Variants in ZNF57 observed in about 807,000 individuals in gnomAD.
ZNF57 encodes the protein zinc finger protein 424.
Under a neutral mutation model 13.4 loss-of-function variants are expected in ZNF57, and 11 were observed. That is an observed-to-expected ratio of 0.82 (90% confidence interval 0.52 to 1.36). The LOEUF is 1.36. Among genes scored for constraint, ZNF57 ranks in the 40% most tolerant of loss-of-function variants. The pLI is 0.00. For missense variants in ZNF57, 696 were observed against 667.5 expected, an observed-to-expected ratio of 1.04 and a Z score of -0.47; for synonymous variants, 224 against 238.5, an observed-to-expected ratio of 0.94 and a Z score of 0.56.
At chr19:2,915,905 C>T (rs906806658) in intron 2 of ZNF57, among the ~76,000 whole-genome samples, 173 bp from the exon 3 acceptor site, 2 of 152,224 alleles carry the variant, frequency 1.3e-5, no homozygotes, top group Non-Finnish European at 1.5e-5. Context: ...TTTAGGATCA[C>T]AGAGTGGTTC....
chr19:2,902,176 G>C (rs2088036005), intron 1 of ZNF57, among the ~76,000 whole-genome samples: 1 of 145,482 alleles, frequency 6.9e-6, no homozygotes, highest in African/African-American at 2.5e-5. Context: ...AGCTTGGGGG[G>C]ATGGCAAGGG....
At chr19:2,909,194 T>C (rs1169309375) in intron 1 of ZNF57, among the ~76,000 whole-genome samples, 1 of 151,982 alleles carries the variant, frequency 6.6e-6, no homozygotes, top group Non-Finnish European at 1.5e-5. Flanking sequence ...TCAAATTTCT[T>C]CAGTATATAT....
chr19:2,911,312 C>A (rs944892487), intron 1 of ZNF57, among the ~76,000 whole-genome samples: 8 of 151,994 alleles, frequency 5.3e-5, no homozygotes, highest in Non-Finnish European at 1.2e-4. Flanking sequence ...GGGTGGATCA[C>A]CTGAGGTCAG....
chr19:2,917,921 A>C lies in ZNF57; in HGVS notation c.1300A>C (p.Thr434Pro). 6.2e-7 allele frequency: 1 copy of C among 1,613,922 alleles called. No individual in the cohort carries two copies. The highest frequency in any genetic ancestry group is 1.1e-5 in the South Asian group (1 of 91,064). ...TGGAAAAACCTTCACTTGGTCCTCA[A>C]CGTTTAGAGAACATGTGAGAATTCA... is the stretch of plus-strand genomic sequence containing the variant. ...QCGKTFTWSS[T>P]FREHVRIHTQ... is the part of the protein sequence containing the mutation. The change falls in exon 4 of 4, where the codon ACG (threonine) becomes CCG (proline). Residue 434 changes from threonine to proline, a missense_variant. Thr to Pro is a conservative substitution (Grantham distance 38). Coordinates refer to ENST00000306908, the MANE Select transcript of ZNF57 (RefSeq NM_173480.3).
intron 1 of ZNF57, among the ~76,000 whole-genome samples, chr19:2,905,938 G>A (rs899414811): frequency 3.3e-5 from 5 of 152,142 alleles, no homozygotes; most frequent in African/African-American, 7.2e-5. Flanking sequence ...ACCCCAGATC[G>A]GTCTGAGAGA....
intron 1 of ZNF57, among the ~76,000 whole-genome samples, chr19:2,901,907 A>G (rs2088033560): frequency 6.6e-6 from 1 of 152,044 alleles, no homozygotes; most frequent in Non-Finnish European, 1.5e-5. Context: ...TACATTCTCA[A>G]GGGCGGCGAC....
intron 1 of ZNF57, among the ~76,000 whole-genome samples, chr19:2,908,053 C>A (rs1415082379): frequency 6.6e-6 from 1 of 152,108 alleles, no homozygotes; most frequent in Non-Finnish European, 1.5e-5. Flanking sequence ...CCTTTACTAG[C>A]CTTAAGTACT....
chr19:2,901,168 C>T (rs1310032440), intron 1 of ZNF57, 120 bp downstream of exon 1: 7 of 1,316,280 alleles, frequency 5.3e-6, no homozygotes, highest in Middle Eastern at 2.4e-4. Context: ...CGGCGCAGGA[C>T]TAGCACCTGG....
intron 3 of ZNF57, 31 bp downstream of exon 3, chr19:2,916,280 G>A (rs756039835): frequency 6.4e-7 from 1 of 1,551,136 alleles, no homozygotes; most frequent in South Asian, 1.2e-5. Context: ...AAAAATCCTT[G>A]TATGCAATTA....
intron 1 of ZNF57, among the ~76,000 whole-genome samples, chr19:2,906,163 C>T (rs530963664): frequency 6.9e-4 from 105 of 152,340 alleles, no homozygotes; most frequent in Non-Finnish European, 1.3e-3. Flanking sequence ...AAGCGATCTT[C>T]GGCCTCAGCC....
chr19:2,917,645 G>C lies in ZNF57; in HGVS notation c.1024G>C (p.Gly342Arg), dbSNP rs761033042. The change falls in exon 4 of 4, where the codon GGG becomes CGG. Residue 342 changes from glycine (G) to arginine (R), a missense_variant. Gly to Arg is a moderately radical substitution (Grantham distance 125). This residue lies in a region of ZNF57 where 645 missense variants were observed against 591.5 expected (regional missense o/e 1.09). Coordinates refer to ENST00000306908, the MANE Select transcript of ZNF57 (RefSeq NM_173480.3). ...GDKLYKCEHC[G>R]KAFTSSRSFQ... ...CAAACTCTATAAATGTGAACACTGT[G>C]GGAAGGCTTTTACCTCTTCCAGATC... 1.2e-6 allele frequency: 2 copies of C among 1,613,774 alleles called. No homozygotes were observed. The highest frequency in any genetic ancestry group is 2.2e-5 in the South Asian group (2 of 91,038).
chr19:2,905,148 G>A lies in ZNF57; in HGVS notation c.3+4100G>A, dbSNP rs559273162. On this transcript the variant is annotated intron_variant, in intron 1 of 3. Coordinates refer to ENST00000306908, the MANE Select transcript of ZNF57 (RefSeq NM_173480.3). Reference sequence around the variant, plus strand: ...TGTTGGTCTATTTGTCCATCCTGACGATACCATCCTCTAATTACTATTTTT... The same window carrying A: ...TGTTGGTCTATTTGTCCATCCTGACAATACCATCCTCTAATTACTATTTTT... Among the ~76,000 whole-genome samples, 14 of 152,074 alleles carry A rather than the reference G, an allele frequency of 9.2e-5. No individual in the cohort carries two copies. The South Asian group carries it at 2.5e-3, about 27-fold the overall frequency.
At chr19:2,914,331 C>T (rs189851960) in intron 1 of ZNF57, among the ~76,000 whole-genome samples, 38 of 152,174 alleles carry the variant, frequency 2.5e-4, no homozygotes, top group African/African-American at 6.3e-4. Context: ...CTTGGCTCAC[C>T]GCAACCTCCA....
intron 1 of ZNF57, among the ~76,000 whole-genome samples, chr19:2,913,070 C>T (rs1290882150): frequency 1.3e-5 from 2 of 152,182 alleles, no homozygotes; most frequent in African/African-American, 4.8e-5. Context: ...TCTCCCTCCT[C>T]AGCCTCCTGA....
intron 1 of ZNF57, among the ~76,000 whole-genome samples, chr19:2,913,656 AT>A (rs1404120348): frequency 6.7e-6 from 1 of 149,778 alleles, no homozygotes; most frequent in African/African-American, 2.4e-5. Context: ...GAACATACTT[AT>A]TTCTGGTTTT....
intron 1 of ZNF57, among the ~76,000 whole-genome samples, chr19:2,906,827 G>A (rs1480029885): frequency 3.3e-5 from 5 of 152,176 alleles, no homozygotes; most frequent in Non-Finnish European, 7.3e-5. Context: ...CTGTGGACCC[G>A]TGAGTGTCAC....
In ZNF57 at chr19:2,910,464, T is replaced by C. The variant is rs1397159104; in HGVS notation, c.4-5058T>C. The stretch of plus-strand genomic sequence containing the variant: ...ATCTGTTTCTTTTCTTTTCTTTTTT[T>C]TTTTTTTTTTTTTTGAGACAGAGTC... On this transcript the variant is annotated intron_variant, in intron 1 of 3. Coordinates refer to ENST00000306908, the MANE Select transcript of ZNF57 (RefSeq NM_173480.3). Among the ~76,000 whole-genome samples, 20 of 31,318 alleles carry C rather than the reference T, an allele frequency of 6.4e-4. 6 individuals carry two copies. The highest frequency in any genetic ancestry group is 1.2e-3 in the African/African-American group (17 of 13,754). 20.5% of individuals were successfully genotyped at this position (31,318 alleles called of 152,430 possible). A position where few individuals can be genotyped will look rare whatever the true frequency, so the allele number is the denominator to read the frequency against.
Position 2,900,997 on chromosome 19 carries a change from C to G in ZNF57, c.-49C>G. 2 of 1,551,332 alleles carry G rather than the reference C, an allele frequency of 1.3e-6. No homozygotes were observed. The highest frequency in any genetic ancestry group is 1.7e-6 in the Non-Finnish European group (2 of 1,146,754). ...ACCTGTACCTTTCAGCTGCGCCGGCCGCGAGGCCACGGAGAGCTCGCCTTG... is the reference window on the plus strand; with the variant it reads ...ACCTGTACCTTTCAGCTGCGCCGGCGGCGAGGCCACGGAGAGCTCGCCTTG... On this transcript the variant is annotated 5_prime_UTR_variant, in exon 1 of 4. Coordinates refer to ENST00000306908, the MANE Select transcript of ZNF57 (RefSeq NM_173480.3).
chr19:2,911,963 C>T (rs1171549101), intron 1 of ZNF57, among the ~76,000 whole-genome samples: 3 of 152,208 alleles, frequency 2.0e-5, no homozygotes, highest in African/African-American at 7.2e-5. Context: ...AGGGGTTCTG[C>T]TTTATCTCTT....
Sources: allele counts gnomAD v4.1 joint callset (sites outside exome capture counted in the v4.1 genomes callset), GRCh38; gene constraint gnomAD v4.1.1; regional missense constraint gnomAD v4.1.1; transcripts MANE v1.5; gene names NCBI Gene and HGNC (gene_info 2026-07-23, HGNC 2026-07-21).